Variants in CFAP61 observed in about 807,000 individuals in gnomAD.
CFAP61 encodes cilia- and flagella-associated protein 61.
In CFAP61, 107 loss-of-function variants were observed where a neutral mutation model predicts 135.6. The ratio of observed to expected loss-of-function variants is 0.79; its 90% CI spans 0.67 to 0.93. The LOEUF is 0.93. Ranked by LOEUF, CFAP61 falls within the 40% of genes least tolerant of loss-of-function variation. The probability of loss-of-function intolerance (pLI) is 0.00; values close to 1 mark genes in which losing one functional copy is unlikely to be tolerated. For synonymous variants in CFAP61, 575 were observed against 578.5 expected, an observed-to-expected ratio of 0.99 and a Z score of 0.09; for missense variants, 1,507 against 1,556.2, an observed-to-expected ratio of 0.97 and a Z score of 0.53.
intron 8 of CFAP61, among the ~76,000 whole-genome samples, chr20:20,103,619 T>G (rs1019629424): frequency 6.6e-6 from 1 of 152,212 alleles, no homozygotes; most frequent in African/African-American, 2.4e-5. Context: ...TAAAAAAAAC[T>G]TATTGAATAC....
chr20:20,247,677 C>T (rs2146977717), intron 19 of CFAP61, among the ~76,000 whole-genome samples: 1 of 152,336 alleles, frequency 6.6e-6, no homozygotes, highest in East Asian at 1.9e-4. Context: ...TGTGATGCTC[C>T]AGCCTAAACT....
intron 26 of CFAP61, among the ~76,000 whole-genome samples, chr20:20,352,704 CT>C (rs1388903774): frequency 6.6e-6 from 1 of 152,156 alleles, no homozygotes; most frequent in African/African-American, 2.4e-5. Flanking sequence ...GGAGTGAAGA[CT>C]TAAACATAAG....
chr20:20,278,201 C>T (rs758855957), intron 22 of CFAP61, among the ~76,000 whole-genome samples: 3 of 152,198 alleles, frequency 2.0e-5, no homozygotes, highest in Middle Eastern at 3.2e-3. Context: ...TTACAGAGAA[C>T]GCTGTGGCTC....
At chr20:20,314,749 A>G (rs1363126100) in intron 25 of CFAP61, among the ~76,000 whole-genome samples, 2 of 126,990 alleles carry the variant, frequency 1.6e-5, no homozygotes, top group African/African-American at 6.1e-5. Context: ...ATGTGTTCTC[A>G]TTGTTCAATT....
At chr20:20,215,498 A>G (rs2047987323) in intron 17 of CFAP61, among the ~76,000 whole-genome samples, 1 of 152,214 alleles carries the variant, frequency 6.6e-6, no homozygotes. Context: ...TGGGGAGAGT[A>G]TTTGGAAGGA....
chr20:20,344,612 G>A (rs1030072741), intron 26 of CFAP61, among the ~76,000 whole-genome samples: 5 of 152,186 alleles, frequency 3.3e-5, no homozygotes, highest in Non-Finnish European at 5.9e-5. Context: ...AAATGCTGGC[G>A]AGGATGTGGA....
At chr20:20,200,861 C>T (rs1454833526) in intron 17 of CFAP61, 1 of 985,274 alleles carries the variant, frequency 1.0e-6, no homozygotes, top group African/African-American at 1.7e-5. Context: ...GGGCGTACCT[C>T]CATCAGACCA....
At chr20:20,274,143 T>C (rs774054932) in intron 21 of CFAP61, among the ~76,000 whole-genome samples, 8 of 152,218 alleles carry the variant, frequency 5.3e-5, no homozygotes, top group Non-Finnish European at 1.0e-4. Context: ...ACCCATGTTA[T>C]TGTTCACAGT....
Position 20,199,765 on chromosome 20 carries a change from C to T in CFAP61, c.1798-3C>T. ...CCCTAAAATATAGATTGCTGTCTTT[C>T]AGTTCCAGAACCCCTACGCCCACTC... is the stretch of plus-strand genomic sequence containing the variant. On this transcript the variant is annotated splice_polypyrimidine_tract_variant and splice_region_variant and intron_variant, in intron 16 of 26. Transcript: ENST00000245957. 2 of 1,614,032 alleles carry T rather than the reference C, an allele frequency of 1.2e-6. No individual in the cohort carries two copies. The highest frequency in any genetic ancestry group is 1.7e-6 in the Non-Finnish European group (2 of 1,179,960).
At chr20:20,089,562 A>C (rs2047033645) in intron 6 of CFAP61, among the ~76,000 whole-genome samples, 1 of 149,030 alleles carries the variant, frequency 6.7e-6, no homozygotes, top group Non-Finnish European at 1.5e-5. Flanking sequence ...CAATGCTGAA[A>C]CATTTTTACA....
chr20:20,137,588 G>A (rs1422966399), intron 8 of CFAP61, among the ~76,000 whole-genome samples: 1 of 152,106 alleles, frequency 6.6e-6, no homozygotes, highest in Admixed American at 6.5e-5. Context: ...AAGGCCCAAG[G>A]GCTCTTCTGT....
chr20:20,196,473 A>G lies in CFAP61; in HGVS notation c.1591-97A>G, dbSNP rs1444822317. 19 of 891,436 alleles carry G rather than the reference A, an allele frequency of 2.1e-5. No individual in the cohort carries two copies. In the East Asian group the frequency reaches 4.4e-4, roughly 21 times the overall value. The allele number at this position is 891,436 out of a possible 1,614,324, so 55.2% of individuals were successfully genotyped here. ...GGAAGAGAAAAATACGTTTCTTACT[A>G]TCATACCTAAAGTAATTTTTAAAAG... On this transcript the variant is annotated intron_variant, in intron 15 of 26. Coordinates refer to ENST00000245957, the MANE Select transcript of CFAP61 (RefSeq NM_015585.4).
At chr20:20,249,273 G>A (rs983628216) in intron 19 of CFAP61, among the ~76,000 whole-genome samples, 1 of 152,080 alleles carries the variant, frequency 6.6e-6, no homozygotes, top group African/African-American at 2.4e-5. Flanking sequence ...CTGAGAAATG[G>A]CCAGGTAATC....
At chr20:20,155,651 A>C (rs1263322404) in intron 9 of CFAP61, among the ~76,000 whole-genome samples, 1 of 152,238 alleles carries the variant, frequency 6.6e-6, no homozygotes, top group African/African-American at 2.4e-5. Flanking sequence ...ACAAACAGCC[A>C]ACAAACATAC....
chr20:20,240,369 A>G (rs1253204277), intron 18 of CFAP61, among the ~76,000 whole-genome samples: 1 of 152,164 alleles, frequency 6.6e-6, no homozygotes, highest in Non-Finnish European at 1.5e-5. Flanking sequence ...TGTCCCAGAC[A>G]GGAGGTTCTG....
At chr20:20,094,457 G>A (rs1018036442) in intron 7 of CFAP61, 4 of 152,206 alleles carry the variant, frequency 2.6e-5, no homozygotes, top group Non-Finnish European at 4.4e-5. Flanking sequence ...GTTTTTGGAA[G>A]GCTTTTAATT....
chr20:20,177,506 G>A (rs754191013), intron 13 of CFAP61, among the ~76,000 whole-genome samples: 1 of 135,790 alleles, frequency 7.4e-6, no homozygotes, highest in Non-Finnish European at 1.6e-5. Context: ...GTTCCGGGGT[G>A]CAGGAGGAGA....
chr20:20,346,191 G>A (rs1429238116), intron 26 of CFAP61, among the ~76,000 whole-genome samples: 3 of 141,970 alleles, frequency 2.1e-5, no homozygotes, highest in South Asian at 2.6e-4. Flanking sequence ...GTGAGCCACC[G>A]CGCCCGGCCG....
At chr20:20,296,015 T>TTCCTTCC (rs1569258322) in intron 24 of CFAP61, among the ~76,000 whole-genome samples, 3 of 34,986 alleles carry the variant, frequency 8.6e-5, no homozygotes, top group Non-Finnish European at 2.2e-4. Context: ...CCTTCCCTCC[T>TTCCTTCC]TTCCTTCCTT....
Sources: allele counts gnomAD v4.1 joint callset (sites outside exome capture counted in the v4.1 genomes callset), GRCh38; gene constraint gnomAD v4.1.1; transcripts MANE v1.5; gene names NCBI Gene and HGNC (gene_info 2026-07-23, HGNC 2026-07-21).